Variants in LGALS12 observed in about 807,000 individuals in gnomAD.
The protein encoded by LGALS12 is galectin 12, also known as galectin-12.
A neutral mutation model predicts 36.8 loss-of-function variants in LGALS12; 36 were observed. The ratio of observed to expected loss-of-function variants is 0.98; its 90% CI spans 0.75 to 1.29. LGALS12 has a LOEUF of 1.29. LGALS12 is among the 50% of genes most tolerant of loss of function. The probability of loss-of-function intolerance (pLI) is 0.00; values close to 1 mark genes in which losing one functional copy is unlikely to be tolerated. For missense variants in LGALS12, 366 were observed against 394.3 expected, an observed-to-expected ratio of 0.93 and a Z score of 0.61; for synonymous variants, 145 against 155.9, an observed-to-expected ratio of 0.93 and a Z score of 0.52.
intron 8 of LGALS12, among the ~76,000 whole-genome samples, chr11:63,515,925 G>GT (rs913217252): frequency 4.0e-5 from 5 of 126,442 alleles, no homozygotes; most frequent in South Asian, 2.4e-4. Context: ...ATTGATGCAG[G>GT]TGGGGGGGGG....
chr11:63,508,485 T>C, intron 1 of LGALS12, 68 bp from the exon 2 acceptor site: 1 of 1,593,396 alleles, frequency 6.3e-7, no homozygotes, highest in Non-Finnish European at 8.5e-7. Flanking sequence ...TTCCTCCCAC[T>C]CGCCTGACAT....
chr11:63,509,982 A>C, intron 4 of LGALS12, 85 bp downstream of exon 4: 1 of 1,475,824 alleles, frequency 6.8e-7, no homozygotes, highest in Non-Finnish European at 9.1e-7. Flanking sequence ...CCCTTCCTCC[A>C]CCCTAGACTG....
At chr11:63,509,947 CCT>C (rs773527043) in intron 4 of LGALS12, 50 bp downstream of exon 4, 28 of 1,592,128 alleles carry the variant, frequency 1.8e-5, no homozygotes, top group East Asian at 1.6e-4. Context: ...TCTAATTTCC[CCT>C]GACTCCTGGA....
chr11:63,512,133 C>T (rs999582126), intron 7 of LGALS12, among the ~76,000 whole-genome samples: 2 of 152,134 alleles, frequency 1.3e-5, no homozygotes, highest in African/African-American at 4.8e-5. Flanking sequence ...AAAGGCCCTT[C>T]GTAGGTGCAG....
At chr11:63,510,849 C>T (rs1038173590) in intron 5 of LGALS12, among the ~76,000 whole-genome samples, 1 of 152,154 alleles carries the variant, frequency 6.6e-6, no homozygotes, top group African/African-American at 2.4e-5. Context: ...CATGTACTGC[C>T]CAAGGCCACA....
intron 8 of LGALS12, 95 bp from the exon 9 acceptor site, chr11:63,516,152 C>A: frequency 6.8e-7 from 1 of 1,463,310 alleles, no homozygotes; most frequent in Non-Finnish European, 9.1e-7. Flanking sequence ...TCTTCGTGTC[C>A]TATGAGAGGA....
At chr11:63,508,400 T>C (rs927924145) in intron 1 of LGALS12, 153 bp from the exon 2 acceptor site, 4 of 1,453,484 alleles carry the variant, frequency 2.8e-6, no homozygotes, top group Non-Finnish European at 1.8e-6. Context: ...GAAGAAAATA[T>C]TTCAGTGAAC....
At chr11:63,512,944 C>T (rs935593663) in intron 7 of LGALS12, among the ~76,000 whole-genome samples, 1 of 151,010 alleles carries the variant, frequency 6.6e-6, no homozygotes, top group African/African-American at 2.4e-5. Context: ...GGAAAGCACC[C>T]TATGTTCTCC....
intron 7 of LGALS12, 35 bp from the exon 8 acceptor site, chr11:63,515,528 C>A (rs766381860): frequency 3.7e-6 from 6 of 1,610,260 alleles, no homozygotes; most frequent in Non-Finnish European, 5.1e-6. Flanking sequence ...GGGCAATGGG[C>A]GCTGATTCCT....
At position 63,515,695 on chromosome 11, in the gene LGALS12, C is replaced by T; in HGVS notation, c.780C>T (p.Tyr260=). ...TGATCTCAGCCCCCTTCCTCTTTTACCCCCAGAGATTCTTTGAGGTAGGTC... is the reference window on the plus strand; with the variant it reads ...TGATCTCAGCCCCCTTCCTCTTTTATCCCCAGAGATTCTTTGAGGTAGGTC... ...KKLISAPFLF[Y]PQRFFEVLLL... is the part of the protein sequence containing the mutation. Residue 260 remains tyrosine (Y), a synonymous_variant, in exon 8 of 9, where the codon TAC becomes TAT. Coordinates refer to ENST00000394618, the MANE Select transcript of LGALS12 (RefSeq NM_033101.4). 6.2e-7 allele frequency: 1 copy of T among 1,614,114 alleles called. No individual in the cohort carries two copies. Among genetic ancestry groups the T allele is most frequent in the Non-Finnish European group, 8.5e-7 (1 of 1,179,994 alleles).
rs139417657 is a variant in LGALS12 at position 63,515,680 on chromosome 11, C to T, written c.765C>T (p.Ala255=). ...GGGGGCAGAAGAAACTGATCTCAGC[C>T]CCCTTCCTCTTTTACCCCCAGAGAT... ...SRWGQKKLIS[A]PFLFYPQRFF... is the part of the protein sequence containing the mutation. Residue 255 remains alanine (A), a synonymous_variant, in exon 8 of 9, where the codon GCC becomes GCT. Transcript: ENST00000394618. The T allele has an allele frequency of 6.2e-7, 1 of 1,614,196 alleles. No homozygotes were observed.
At chr11:63,509,647 C>G (rs1428962594) in intron 3 of LGALS12, 131 bp from the exon 4 acceptor site, 1 of 890,216 alleles carries the variant, frequency 1.1e-6, no homozygotes, top group Admixed American at 2.5e-5. Context: ...TAAAATGTAC[C>G]TACCTCATAG....
chr11:63,508,209 T>G, intron 1 of LGALS12: 1 of 1,158,014 alleles, frequency 8.6e-7, no homozygotes, highest in Non-Finnish European at 1.1e-6. Flanking sequence ...GTACCAGGCT[T>G]CTGGGGACCA....
At chr11:63,508,665 G>T in intron 2 of LGALS12, 24 bp downstream of exon 2, 6 of 1,613,900 alleles carry the variant, frequency 3.7e-6, no homozygotes, top group Non-Finnish European at 5.1e-6. Flanking sequence ...GGTGGCCCAG[G>T]GGGTGCTGGA....
At position 63,509,881 on chromosome 11, in the gene LGALS12, G is replaced by T; in HGVS notation, c.476G>T (p.Gly159Val). 2 of 1,614,084 alleles carry T rather than the reference G, an allele frequency of 1.2e-6. No homozygotes were observed. Among genetic ancestry groups the T allele is most frequent in the Non-Finnish European group, 1.7e-6 (2 of 1,179,990 alleles). The change falls in exon 4 of 9, where the codon GGA becomes GTA. Residue 159 changes from glycine to valine, a missense_variant. Gly to Val is a moderately radical substitution (Grantham distance 109). Transcript: ENST00000394618. ...GGTGACATCCTGGTAGAGGCTGTTG[G>T]ATTCCTGAACATCAATGTAAGTTTC... ...IFGDILVEAVGFLNINPFVEG... is the reference protein window; with the variant it reads ...IFGDILVEAVVFLNINPFVEG...
Position 63,506,281 on chromosome 11 carries a change from C to T in LGALS12, c.-178C>T, listed in dbSNP as rs765309688. 464 of 1,270,060 alleles carry T rather than the reference C, an allele frequency of 3.7e-4. 2 individuals are homozygous for T. Among genetic ancestry groups the T allele is most frequent in the Middle Eastern group, 1.4e-3 (5 of 3,700 alleles). The allele number at this position is 1,270,060 out of a possible 1,614,324, so 78.7% of individuals were successfully genotyped here. A position where few individuals can be genotyped will look rare whatever the true frequency, so the allele number is the denominator to read the frequency against. The stretch of plus-strand genomic sequence containing the variant: ...TGGGGCTGGTGTGGAGCCTGGAGGT[C>T]GCCCGCTGCCCTCCTAGGGCTGCTC... On this transcript the variant is annotated 5_prime_UTR_variant, in exon 1 of 9. Coordinates refer to ENST00000394618, the MANE Select transcript of LGALS12 (RefSeq NM_033101.4).
At chr11:63,513,322 G>A (rs1668663429) in intron 7 of LGALS12, among the ~76,000 whole-genome samples, 1 of 152,152 alleles carries the variant, frequency 6.6e-6, no homozygotes, top group East Asian at 1.9e-4. Flanking sequence ...GACATAGTCA[G>A]CAAGTAACTG....
intron 7 of LGALS12, among the ~76,000 whole-genome samples, chr11:63,514,535 C>T (rs1437271916): frequency 6.6e-6 from 1 of 152,170 alleles, no homozygotes; most frequent in African/African-American, 2.4e-5. Context: ...CGTGCCACTG[C>T]ACTCCAGCTT....
At chr11:63,506,737 G>T (rs191460152) in intron 1 of LGALS12, among the ~76,000 whole-genome samples, 33 of 152,308 alleles carry the variant, frequency 2.2e-4, no homozygotes, top group African/African-American at 7.5e-4. Flanking sequence ...GGCTTCCAGG[G>T]TCACTGCATT....
Sources: allele counts gnomAD v4.1 joint callset (sites outside exome capture counted in the v4.1 genomes callset), GRCh38; gene constraint gnomAD v4.1.1; transcripts MANE v1.5; gene names NCBI Gene and HGNC (gene_info 2026-07-23, HGNC 2026-07-21).